The following BRCA1 variants were observed in gnomAD, a reference collection of about 807,000 sequenced individuals.
The protein encoded by BRCA1 is breast cancer type 1 susceptibility protein.
In BRCA1, 140 loss-of-function variants were observed where a neutral mutation model predicts 173.7. The ratio of observed to expected loss-of-function variants is 0.81; its 90% confidence interval spans 0.70 to 0.93. The LOEUF (loss-of-function observed/expected upper bound fraction) is 0.93. Among genes scored for constraint, BRCA1 ranks in the 40% least tolerant of loss-of-function variants. BRCA1 has a pLI of 0.00. For missense variants in BRCA1, 1,983 were observed against 2,172.5 expected, an observed-to-expected ratio of 0.91 and a Z score of 1.73; for synonymous variants, 662 against 756.0, an observed-to-expected ratio of 0.88 and a Z score of 2.04.
chr17:43,137,538 A>G (rs756425014), intron 1 of BRCA1, among the ~76,000 whole-genome samples: 6 of 151,948 alleles, frequency 3.9e-5, no homozygotes, highest in Non-Finnish European at 5.9e-5. Flanking sequence ...CATTTAAAGC[A>G]GCATACAAGG....
chr17:43,057,852 C>A (rs1298188261), intron 18 of BRCA1, among the ~76,000 whole-genome samples: 2 of 149,166 alleles, frequency 1.3e-5, no homozygotes, highest in Non-Finnish European at 3.0e-5. Flanking sequence ...AACAAACAAA[C>A]AAACAAAAAA....
intron 15 of BRCA1, among the ~76,000 whole-genome samples, chr17:43,070,526 AT>A (rs2052335476): frequency 6.6e-6 from 1 of 152,192 alleles, no homozygotes; most frequent in African/African-American, 2.4e-5. Flanking sequence ...CTGGCAGTAC[AT>A]TTGGAACCAG....
At position 43,049,666 on chromosome 17, in the gene BRCA1, C is replaced by CA. The variant is rs1385680561; in HGVS notation, c.5333-473dup. ...GAGATGGGAAGATAATTCATCCAGT[C>CA]AAAAAAATACATGTTATCCTGGTTA... On this transcript the variant is annotated intron_variant, in intron 20 of 22. Coordinates refer to ENST00000357654, the MANE Select transcript of BRCA1 (RefSeq NM_007294.4). Among the ~76,000 whole-genome samples the CA allele has an allele frequency of 6.6e-6, 1 of 151,934 alleles. No homozygotes were observed. Among genetic ancestry groups the CA allele is most frequent in the Non-Finnish European group, 1.5e-5 (1 of 67,984 alleles).
intron 12 of BRCA1, among the ~76,000 whole-genome samples, chr17:43,077,175 G>GA (rs562072846): frequency 7.3e-5 from 11 of 151,524 alleles, no homozygotes; most frequent in Non-Finnish European, 1.6e-4. Flanking sequence ...CGAAAAAAAA[G>GA]AAAAAAACAA....
chr17:43,139,561 G>A (rs956342314), intron 1 of BRCA1, among the ~76,000 whole-genome samples: 6 of 151,964 alleles, frequency 3.9e-5, no homozygotes, highest in Non-Finnish European at 8.8e-5. Context: ...TCACCATCTT[G>A]GCCAGGCTGG....
intron 3 of BRCA1, among the ~76,000 whole-genome samples, chr17:43,113,640 T>C (rs1174207244): frequency 6.6e-6 from 1 of 152,204 alleles, no homozygotes; most frequent in Non-Finnish European, 1.5e-5. Flanking sequence ...GTGCTGGTAT[T>C]ATAGGCGTGA....
At chr17:43,070,333 C>T (rs975300435) in intron 15 of BRCA1, among the ~76,000 whole-genome samples, 11 of 151,968 alleles carry the variant, frequency 7.2e-5, no homozygotes, top group African/African-American at 2.2e-4. Flanking sequence ...CAAGCAGAAA[C>T]GAGGTTTTAC....
intron 18 of BRCA1, among the ~76,000 whole-genome samples, chr17:43,061,442 G>A (rs1422561824): frequency 1.3e-5 from 2 of 152,078 alleles, no homozygotes; most frequent in Non-Finnish European, 2.9e-5. Context: ...GACTTAGTTA[G>A]TCTTATTTAC....
rs181752925 is a variant in BRCA1, at chr17:43,059,207, C to T, written c.5194-2072G>A. Among the ~76,000 whole-genome samples the T allele has an allele frequency of 1.8e-4, 28 of 152,132 alleles. No individual in the cohort carries two copies. In the East Asian group the frequency reaches 5.2e-3, roughly 28 times the overall value. On this transcript the variant is annotated intron_variant, in intron 18 of 22. Transcript: ENST00000357654. The stretch of plus-strand genomic sequence containing the variant: ...GGCCGGGCACAGTGGCTCACACCTG[C>T]AATCCCAGCACTTTGGGAGGCCGAG...
intron 1 of BRCA1, chr17:43,140,360 A>G (rs1227623915): frequency 1.2e-5 from 2 of 162,008 alleles, no homozygotes; most frequent in Non-Finnish European, 2.7e-5. Flanking sequence ...GAGCTGTTCT[A>G]GCAAATGGTC....
intron 1 of BRCA1, chr17:43,145,222 T>G: frequency 1.4e-6 from 1 of 703,872 alleles, no homozygotes; most frequent in Non-Finnish European, 2.7e-6. Context: ...GTCCAGCCTC[T>G]GATGAAGCAG....
rs35584960 is a variant in BRCA1 at position 43,102,357 on chromosome 17, C to CTTTTTTTTTT, written c.441+1755_441+1764dup. Among the ~76,000 whole-genome samples, 622 of 93,154 alleles carry CTTTTTTTTTT rather than the reference C, an allele frequency of 6.7e-3. 42 individuals carry two copies. Among genetic ancestry groups the CTTTTTTTTTT allele is most frequent in the Middle Eastern group, 0.01 (1 of 96 alleles). 61.1% of individuals were successfully genotyped at this position (93,154 alleles called of 152,430 possible). On this transcript the variant is annotated intron_variant, in intron 6 of 22. Transcript: ENST00000357654. ...AAGTGCTGGGATTACAGGCGTGAAG[C>CTTTTTTTTTT]TTTTTTTTTTTTTTTTTTGAGACGG...
intron 1 of BRCA1, among the ~76,000 whole-genome samples, chr17:43,137,230 G>A (rs2056032740): frequency 7.3e-6 from 1 of 136,662 alleles, no homozygotes; most frequent in South Asian, 2.3e-4. Flanking sequence ...TGAACAATGA[G>A]GACACTTGGA....
At chr17:43,147,196 CTTT>C (rs1387138643) in intron 1 of BRCA1, among the ~76,000 whole-genome samples, 2 of 151,776 alleles carry the variant, frequency 1.3e-5, no homozygotes, top group East Asian at 3.9e-4. Context: ...GACGGGGTTT[CTTT>C]TTTATTTTGA....
intron 12 of BRCA1, among the ~76,000 whole-genome samples, chr17:43,081,761 G>T (rs1159104617): frequency 6.6e-6 from 1 of 152,142 alleles, no homozygotes; most frequent in African/African-American, 2.4e-5. Flanking sequence ...CTTATAGGAA[G>T]TCAGCTCTGA....
rs1060502352 is a variant in BRCA1, at chr17:43,093,117, C to A, written c.2414G>T (p.Cys805Phe). The stretch of plus-strand genomic sequence containing the variant: ...TCCCTTGGGGTTTTCAAATGCTGCA[C>A]ACTGACTCACACATTTATTTGGTTC... ...KTEPNKCVSQ[C>F]AAFENPKGLI... The change falls in exon 10 of 23, where the codon TGT (cysteine) becomes TTT (phenylalanine). Residue 805 changes from cysteine (C) to phenylalanine (F), a missense_variant. Coordinates refer to ENST00000357654, the MANE Select transcript of BRCA1 (RefSeq NM_007294.4). 1 of 1,613,626 alleles carries A rather than the reference C, an allele frequency of 6.2e-7. No homozygotes were observed. Among genetic ancestry groups the A allele is most frequent in the Non-Finnish European group, 8.5e-7 (1 of 1,179,926 alleles).
chr17:43,084,413 G>A (rs1193826925), intron 11 of BRCA1, among the ~76,000 whole-genome samples: 3 of 152,072 alleles, frequency 2.0e-5, no homozygotes, highest in African/African-American at 2.4e-5. Context: ...TGATCTGCCC[G>A]CCTCGGCCTC....
At chr17:43,131,558 A>G (rs905476736) in intron 1 of BRCA1, among the ~76,000 whole-genome samples, 4 of 151,912 alleles carry the variant, frequency 2.6e-5, no homozygotes, top group Non-Finnish European at 4.4e-5. Flanking sequence ...CGTCTCTACT[A>G]AAAATACAAA....
In BRCA1 at chr17:43,104,270, T is replaced by C. The variant is rs1389128798; in HGVS notation, c.302-9A>G. On this transcript the variant is annotated splice_polypyrimidine_tract_variant and intron_variant, in intron 5 of 22. Transcript: ENST00000357654. ...ATTATAGCTGTTTGCATCTGTAAAA[T>C]ACAAGGGAAAACATTATGTTTGCAG... 1.2e-6 allele frequency: 2 copies of C among 1,608,052 alleles called. No individual in the cohort carries two copies. Among genetic ancestry groups the C allele is most frequent in the African/African-American group, 2.7e-5 (2 of 74,734 alleles).
Sources: allele counts gnomAD v4.1 joint callset (sites outside exome capture counted in the v4.1 genomes callset), GRCh38; gene constraint gnomAD v4.1.1; transcripts MANE v1.5; gene names NCBI Gene and HGNC (gene_info 2026-07-23, HGNC 2026-07-21).